KCNN2: variants seen among roughly 807,000 people sequenced by gnomAD.
KCNN2 encodes small conductance calcium-activated potassium channel protein 2.
In KCNN2, 24 loss-of-function variants were observed where a neutral mutation model predicts 55.5. That is an observed-to-expected ratio of 0.43 (90% CI 0.31 to 0.61). KCNN2 has a LOEUF of 0.61. Among genes scored for constraint, KCNN2 ranks in the 20% least tolerant of loss-of-function variants. The pLI, the probability that KCNN2 is intolerant of heterozygous loss-of-function variation, is 0.08. For synonymous variants in KCNN2, 431 were observed against 336.1 expected, an observed-to-expected ratio of 1.28 and a Z score of -3.09; for missense variants, 754 against 853.6, an observed-to-expected ratio of 0.88 and a Z score of 1.45.
At chr5:114,306,448 G>A (rs1455184967) in intron 2 of KCNN2, among the ~76,000 whole-genome samples, 1 of 152,172 alleles carries the variant, frequency 6.6e-6, no homozygotes, top group Admixed American at 6.5e-5. Flanking sequence ...TTTCTAATTT[G>A]CTATGTAATT....
intron 2 of KCNN2, among the ~76,000 whole-genome samples, chr5:114,398,057 T>A (rs949973255): frequency 6.6e-6 from 1 of 152,140 alleles, no homozygotes; most frequent in Non-Finnish European, 1.5e-5. Context: ...TCAATTTTTG[T>A]TTTTGTTGCA....
chr5:114,474,360 A>G (rs1481890699), intron 5 of KCNN2, among the ~76,000 whole-genome samples: 1 of 152,170 alleles, frequency 6.6e-6, no homozygotes, highest in African/African-American at 2.4e-5. Flanking sequence ...GTCCACGTTT[A>G]TAGTAGATGG....
chr5:114,323,128 C>T (rs1479733256), intron 2 of KCNN2, among the ~76,000 whole-genome samples: 2 of 152,192 alleles, frequency 1.3e-5, no homozygotes, highest in Admixed American at 6.5e-5. Context: ...TGAATCCATG[C>T]TCCTCCTGGA....
At chr5:114,085,600 TA>T (rs1168244263) in intron 1 of KCNN2, among the ~76,000 whole-genome samples, 4 of 151,998 alleles carry the variant, frequency 2.6e-5, no homozygotes, top group Non-Finnish European at 4.4e-5. Flanking sequence ...TTCTGTTGTA[TA>T]AAAAACACAC....
At chr5:114,377,358 C>T (rs1757976412) in intron 2 of KCNN2, among the ~76,000 whole-genome samples, 1 of 152,212 alleles carries the variant, frequency 6.6e-6, no homozygotes, top group African/African-American at 2.4e-5. Flanking sequence ...CTCTAATCCC[C>T]CTATGTGCAT....
intron 1 of KCNN2, among the ~76,000 whole-genome samples, chr5:114,143,748 C>T (rs1173834994): frequency 3.9e-5 from 6 of 152,182 alleles, no homozygotes; most frequent in South Asian, 2.1e-4. Flanking sequence ...CACAATCCTG[C>T]GTGCAACTTT....
intron 3 of KCNN2, among the ~76,000 whole-genome samples, chr5:114,409,869 C>A (rs1436862435): frequency 2.7e-5 from 4 of 149,710 alleles, no homozygotes; most frequent in Non-Finnish European, 6.0e-5. Flanking sequence ...AATAAAAATT[C>A]TCTCTCTCTC....
At chr5:114,175,436 G>A (rs75421614) in intron 1 of KCNN2, among the ~76,000 whole-genome samples, 377 of 152,250 alleles carry the variant, frequency 2.5e-3, no homozygotes, top group African/African-American at 8.7e-3. Context: ...TGCATCAGGT[G>A]TACATGTCAA....
intron 1 of KCNN2, among the ~76,000 whole-genome samples, chr5:114,162,653 G>T (rs1308929605): frequency 6.6e-6 from 1 of 152,204 alleles, no homozygotes; most frequent in Non-Finnish European, 1.5e-5. Context: ...GCTCCACCCA[G>T]TTTGAGCTTC....
At chr5:114,154,924 C>T (rs993084831) in intron 1 of KCNN2, among the ~76,000 whole-genome samples, 7 of 152,004 alleles carry the variant, frequency 4.6e-5, no homozygotes, top group African/African-American at 1.4e-4. Flanking sequence ...TAGATGTACA[C>T]GTTTGTTACA....
intron 2 of KCNN2, among the ~76,000 whole-genome samples, chr5:114,282,171 C>T (rs1755637581): frequency 6.6e-6 from 1 of 151,958 alleles, no homozygotes; most frequent in Non-Finnish European, 1.5e-5. Context: ...ATTAATTCAA[C>T]TATTTATTTC....
chr5:114,203,384 C>T (rs114218715), intron 1 of KCNN2, among the ~76,000 whole-genome samples: 4,486 of 152,200 alleles, frequency 0.029, 224 homozygotes, highest in African/African-American at 0.1. Context: ...ACAATCTCAT[C>T]TAAATTTCTC....
chr5:114,323,554 T>G (rs947928111), intron 2 of KCNN2, among the ~76,000 whole-genome samples: 20 of 152,104 alleles, frequency 1.3e-4, no homozygotes, highest in African/African-American at 4.8e-4. Context: ...AATTCACATC[T>G]GTAAGATATG....
At chr5:114,109,816 C>A (rs745822992) in intron 1 of KCNN2, among the ~76,000 whole-genome samples, 33 of 152,038 alleles carry the variant, frequency 2.2e-4, no homozygotes, top group Non-Finnish European at 5.9e-5. Context: ...GCATGTCTGT[C>A]AAGGCGTGGG....
At chr5:114,483,225 G>C (rs908153798) in intron 5 of KCNN2, among the ~76,000 whole-genome samples, 2 of 151,338 alleles carry the variant, frequency 1.3e-5, no homozygotes, top group Non-Finnish European at 2.9e-5. Context: ...AAGGAATCTG[G>C]GTAAGTACTA....
chr5:114,277,686 T>A (rs1202213227), intron 2 of KCNN2, among the ~76,000 whole-genome samples: 1 of 152,216 alleles, frequency 6.6e-6, no homozygotes, highest in African/African-American at 2.4e-5. Flanking sequence ...TTCAGCTCCA[T>A]CAGGTAATTT....
At chr5:114,455,638 G>C (rs746109051) in intron 3 of KCNN2, among the ~76,000 whole-genome samples, 3 of 152,154 alleles carry the variant, frequency 2.0e-5, no homozygotes, top group South Asian at 4.1e-4. Context: ...TCAAAAGCTG[G>C]GATAAGCTGA....
At chr5:114,070,958 C>T (rs1205810693) in intron 1 of KCNN2, among the ~76,000 whole-genome samples, 1 of 152,122 alleles carries the variant, frequency 6.6e-6, no homozygotes, top group Non-Finnish European at 1.5e-5. Flanking sequence ...CGTATATTAC[C>T]TGAATAGTAT....
At chr5:114,268,461 T>C (rs534910979) in intron 2 of KCNN2, among the ~76,000 whole-genome samples, 28 of 152,360 alleles carry the variant, frequency 1.8e-4, no homozygotes, top group African/African-American at 6.7e-4. Flanking sequence ...TAGACTTTTA[T>C]TTCTGCAGTT....
Sources: allele counts gnomAD v4.1 joint callset (sites outside exome capture counted in the v4.1 genomes callset), GRCh38; gene constraint gnomAD v4.1.1; transcripts MANE v1.5; gene names NCBI Gene and HGNC (gene_info 2026-07-23, HGNC 2026-07-21).